The following CLTC variants were observed in gnomAD, a reference collection of about 807,000 sequenced individuals.
The protein encoded by CLTC is clathrin heavy chain 1.
CLTC carries 16 observed loss-of-function variants against 195.8 expected under a neutral mutation model. That is an observed-to-expected ratio of 0.08 (90% CI 0.06 to 0.12). CLTC has a LOEUF of 0.12. CLTC is among the 10% of genes least tolerant of loss of function. CLTC has a pLI of 1.00. For missense variants in CLTC, 796 were observed against 2,027.0 expected, an observed-to-expected ratio of 0.39 and a Z score of 11.66; for synonymous variants, 667 against 689.4, an observed-to-expected ratio of 0.97 and a Z score of 0.51.
At chr17:59,644,529 G>GTTT in intron 2 of CLTC, 46 bp downstream of exon 2, 1 of 1,130,416 alleles carries the variant, frequency 8.8e-7, no homozygotes, top group Non-Finnish European at 1.2e-6. Context: ...CTATGTTTTT[G>GTTT]TTTTTTTTTG....
At chr17:59,671,780 G>A (rs1308400821) in intron 14 of CLTC, among the ~76,000 whole-genome samples, 2 of 152,182 alleles carry the variant, frequency 1.3e-5, no homozygotes, top group South Asian at 2.1e-4. Context: ...GCCTTTGCTT[G>A]TGCCCTGTAC....
At chr17:59,673,825 C>A in intron 15 of CLTC, 53 bp downstream of exon 15, 1 of 908,644 alleles carries the variant, frequency 1.1e-6, no homozygotes, top group Non-Finnish European at 1.7e-6. Flanking sequence ...GATTTTATTT[C>A]TCATATTCTG....
chr17:59,688,430 C>A (rs749363048), intron 30 of CLTC, among the ~76,000 whole-genome samples: 3 of 152,148 alleles, frequency 2.0e-5, no homozygotes, highest in Non-Finnish European at 4.4e-5. Flanking sequence ...GACATGCTTA[C>A]CTGTAATTTT....
intron 31 of CLTC, among the ~76,000 whole-genome samples, chr17:59,691,868 T>C (rs1283218351): frequency 5.9e-5 from 9 of 151,842 alleles, no homozygotes; most frequent in Non-Finnish European, 7.4e-5. Flanking sequence ...GAAAAAGACA[T>C]AGGAAACACA....
chr17:59,644,434 A>G lies in CLTC; in HGVS notation c.201A>G (p.Ser67=), dbSNP rs763699625. ...GTAATCCAATTCGAAGACCAATTTC[A>G]GCAGACAGCGCCATCATGAATCCAG... ...DPSNPIRRPI[S]ADSAIMNPAS... The change falls in exon 2 of 32, where the codon TCA becomes TCG. Residue 67 remains serine (S), a synonymous_variant. Transcript: ENST00000269122. 6 of 1,614,200 alleles carry G rather than the reference A, an allele frequency of 3.7e-6. No individual in the cohort carries two copies. Among genetic ancestry groups the G allele is most frequent in the Non-Finnish European group, 5.1e-6 (6 of 1,180,036 alleles).
At position 59,648,344 on chromosome 17, in the gene CLTC, A is replaced by C; in HGVS notation, c.624A>C (p.Gly208=). ...AASFAQFKME[G]NAEESTLFCF... ...GCTTTGCACAGTTTAAGATGGAAGG[A>C]AATGCAGAAGAATCAACGTTATTTT... The change falls in exon 4 of 32, where the codon GGA becomes GGC. Residue 208 remains glycine (G), a synonymous_variant. Coordinates refer to ENST00000269122, the MANE Select transcript of CLTC (RefSeq NM_004859.4). The surrounding 1 kb of genome is among the most constrained non-coding windows in gnomAD (Gnocchi z 4.5). 1 of 1,614,150 alleles carries C rather than the reference A, an allele frequency of 6.2e-7. No individual in the cohort carries two copies. The highest frequency in any genetic ancestry group is 8.5e-7 in the Non-Finnish European group (1 of 1,179,990).
intron 5 of CLTC, among the ~76,000 whole-genome samples, chr17:59,655,645 T>C (rs1200504098): frequency 6.6e-6 from 1 of 152,260 alleles, no homozygotes; most frequent in East Asian, 1.9e-4. Flanking sequence ...GTCTTTCCTC[T>C]TATCAGTTTC....
Position 59,651,332 on chromosome 17 carries a change from T to C in CLTC, c.795+16T>C, listed in dbSNP as rs1282206161. On this transcript the variant is annotated intron_variant, in intron 5 of 31. Transcript: ENST00000269122. ...TGCAATGCAGGTATTTTAAGCAAAA[T>C]AAATGACTTTTTAAAAATCTCTCCT... is the stretch of plus-strand genomic sequence containing the variant. 5.2e-6 allele frequency: 8 copies of C among 1,546,906 alleles called. No homozygotes were observed. Among genetic ancestry groups the C allele is most frequent in the Non-Finnish European group, 7.1e-6 (8 of 1,121,342 alleles).
intron 18 of CLTC, among the ~76,000 whole-genome samples, chr17:59,680,163 AT>A (rs1175712343): frequency 6.6e-6 from 1 of 152,192 alleles, no homozygotes; most frequent in Admixed American, 6.5e-5. Context: ...AACATTAAAG[AT>A]TGCTATTATT....
At chr17:59,644,752 T>C (rs575360770) in intron 2 of CLTC, among the ~76,000 whole-genome samples, 12 of 152,088 alleles carry the variant, frequency 7.9e-5, no homozygotes, top group Non-Finnish European at 1.6e-4. Context: ...GGGGTTTCAC[T>C]ATGTTGGCCA....
intron 2 of CLTC, among the ~76,000 whole-genome samples, chr17:59,645,514 T>A (rs1447569712): frequency 6.6e-6 from 1 of 152,212 alleles, no homozygotes; most frequent in African/African-American, 2.4e-5. Flanking sequence ...GGTGACAAAC[T>A]GACTCTTAAA....
At chr17:59,660,655 A>G (rs2143541102) in intron 7 of CLTC, 67 bp downstream of exon 7, 1 of 1,485,742 alleles carries the variant, frequency 6.7e-7, no homozygotes. Context: ...TTCTTATATT[A>G]CTAGAAAAGG....
chr17:59,653,803 C>G (rs1425767893), intron 5 of CLTC, among the ~76,000 whole-genome samples: 1 of 149,952 alleles, frequency 6.7e-6, no homozygotes, highest in African/African-American at 2.5e-5. Flanking sequence ...GACACTGAGT[C>G]TCTCTATTGC....
At chr17:59,674,143 A>T (rs1466946642) in intron 15 of CLTC, among the ~76,000 whole-genome samples, 1 of 151,920 alleles carries the variant, frequency 6.6e-6, no homozygotes, top group Non-Finnish European at 1.5e-5. Flanking sequence ...GACTCAGGGA[A>T]GGGGGAAAAA....
At chr17:59,671,860 A>G (rs2032855242) in intron 14 of CLTC, among the ~76,000 whole-genome samples, 1 of 151,980 alleles carries the variant, frequency 6.6e-6, no homozygotes. Flanking sequence ...AGAAGAGAGG[A>G]TGTCTCAGGT....
At chr17:59,669,549 G>T (rs927511559) in intron 14 of CLTC, among the ~76,000 whole-genome samples, 13 of 152,102 alleles carry the variant, frequency 8.5e-5, no homozygotes, top group African/African-American at 3.1e-4. Context: ...ACATCCCTAA[G>T]GGCAGTTAAT....
intron 8 of CLTC, 40 bp from the exon 9 acceptor site, chr17:59,663,802 G>A (rs763646372): frequency 6.3e-7 from 1 of 1,588,894 alleles, no homozygotes; most frequent in Non-Finnish European, 8.6e-7. Context: ...TTCTAAAACA[G>A]TTCATGGATC....
intron 1 of CLTC, among the ~76,000 whole-genome samples, chr17:59,630,327 AAAGT>A (rs2031675913): frequency 6.6e-6 from 1 of 152,142 alleles, no homozygotes; most frequent in Non-Finnish European, 1.5e-5. Context: ...AAATGTCTGT[AAAGT>A]AAGCAAAATG....
At chr17:59,644,540 T>TG (rs2032135523) in intron 2 of CLTC, 57 bp downstream of exon 2, 2 of 1,274,300 alleles carry the variant, frequency 1.6e-6, no homozygotes, top group South Asian at 2.6e-5. Flanking sequence ...TTTTTTTTTG[T>TG]TTTTTTTTTG....
Sources: allele counts gnomAD v4.1 joint callset (sites outside exome capture counted in the v4.1 genomes callset), GRCh38; gene constraint gnomAD v4.1.1; non-coding constraint Gnocchi (gnomAD v3.1); transcripts MANE v1.5; gene names NCBI Gene and HGNC (gene_info 2026-07-23, HGNC 2026-07-21).